PPFIA4: variants seen among roughly 807,000 people sequenced by gnomAD.
The protein encoded by PPFIA4 is PPFI scaffold protein A4, also known as liprin-alpha-4.
PPFIA4 carries 98 observed loss-of-function variants against 145.7 expected under a neutral mutation model. That is an observed-to-expected ratio of 0.67 (90% CI 0.57 to 0.80). The LOEUF (loss-of-function observed/expected upper bound fraction) is 0.80, where lower values mean the gene tolerates loss of function less well. Among genes scored for constraint, PPFIA4 ranks in the 30% least tolerant of loss-of-function variants. The pLI is 0.00. For missense variants in PPFIA4, 1,457 were observed against 1,632.7 expected (o/e 0.89, Z 1.85); for synonymous variants, 628 against 649.6 (o/e 0.97, Z 0.51).
In PPFIA4 at chr1:203,044,741, G is replaced by A; in HGVS notation, c.622G>A (p.Glu208Lys). 1 of 1,566,260 alleles carries A rather than the reference G, an allele frequency of 6.4e-7. No individual in the cohort carries two copies. Among genetic ancestry groups the A allele is most frequent in the Non-Finnish European group, 8.7e-7 (1 of 1,155,690 alleles). ...QGAGVRDGAA[E>K]EEGTVELGPK... ...GGCAGGGGTGCGGGATGGAGCGGCA[G>A]AAGAGGAGGGGACTGTGGAGCTGGG... The change falls in exon 6 of 30, where the codon GAA becomes AAA. Residue 208 changes from glutamate to lysine, a missense_variant. Physicochemically the swap from Glu to Lys is moderately conservative, Grantham distance 56. Transcript: ENST00000295706.
Position 203,061,003 on chromosome 1 carries a change from A to T in PPFIA4, c.2818A>T (p.Met940Leu). ...SGNVWVTHEE[M>L]ETLETSTKTD... Reference sequence around the variant, plus strand: ...GAATGTCTGGGTCACCCATGAAGAGATGGAAACTCTGGAAACATCTACTAA... The same window carrying T: ...GAATGTCTGGGTCACCCATGAAGAGTTGGAAACTCTGGAAACATCTACTAA... Residue 940 changes from methionine to leucine, a missense_variant, in exon 23 of 30, where the codon ATG becomes TTG. Met to Leu is a conservative substitution (Grantham distance 15, BLOSUM62 2). Transcript: ENST00000295706. The T allele has an allele frequency of 1.2e-6, 2 of 1,613,956 alleles. No homozygotes were observed. The highest frequency in any genetic ancestry group is 2.2e-5 in the South Asian group (2 of 91,082).
intron 24 of PPFIA4, among the ~76,000 whole-genome samples, chr1:203,062,361 TC>T (rs1387758880): frequency 1.3e-5 from 2 of 150,052 alleles, no homozygotes; most frequent in East Asian, 3.9e-4. Flanking sequence ...GCGCCTGTAG[TC>T]CCAGCTACTC....
intron 25 of PPFIA4, 110 bp downstream of exon 25, chr1:203,064,113 G>T: frequency 8.3e-7 from 1 of 1,203,504 alleles, no homozygotes; most frequent in Non-Finnish European, 1.1e-6. Flanking sequence ...GGTCTGTTCT[G>T]AGTGGCAACA....
At chr1:203,046,490 G>A in intron 9 of PPFIA4, 108 bp downstream of exon 9, 1 of 1,330,322 alleles carries the variant, frequency 7.5e-7, no homozygotes, top group Non-Finnish European at 1.0e-6. Context: ...CCAGGAGCCA[G>A]AAAACTGCTT....
Position 203,055,652 on chromosome 1 carries a change from C to T in PPFIA4, c.2050C>T (p.Arg684Ter), listed in dbSNP as rs1031039495. 1 of 1,613,778 alleles carries T rather than the reference C, an allele frequency of 6.2e-7. No homozygotes were observed. Among genetic ancestry groups the T allele is most frequent in the African/African-American group, 1.3e-5 (1 of 74,898 alleles). Residue 684 changes from arginine (R) to a stop codon, truncating the protein, a stop_gained, in exon 16 of 30, where the codon CGA becomes TGA. Transcript: ENST00000295706. LOFTEE classifies it high-confidence loss of function. This position sits in a 1 kb window ranked among gnomAD's most constrained non-coding sequence, Gnocchi z 4.8. ...TSRSAAQDLD[R>*]MGVMTLPSDL... The stretch of plus-strand genomic sequence containing the variant: ...CCGCAGTGCTGCCCAGGACCTGGAC[C>T]GAATGGGGGTCATGACCCTGGTGAG...
At chr1:203,065,066 A>G (rs1240347989) in intron 25 of PPFIA4, among the ~76,000 whole-genome samples, 1 of 152,236 alleles carries the variant, frequency 6.6e-6, no homozygotes, top group Non-Finnish European at 1.5e-5. Flanking sequence ...GAAATCTTAT[A>G]GAAAGTTAAA....
chr1:203,043,568 C>A lies in PPFIA4; in HGVS notation c.336+70C>A. 7.1e-7 allele frequency: 1 copy of A among 1,400,802 alleles called. No homozygotes were observed. The highest frequency in any genetic ancestry group is 9.9e-7 in the Non-Finnish European group (1 of 1,011,530). 86.8% of individuals were successfully genotyped at this position (1,400,802 alleles called of 1,614,324 possible). ...TGTGTGTATGGGGGTGTGTTGTGAA[C>A]ACCTTGACCAAGAGAGCAGGCAAGA... is the stretch of plus-strand genomic sequence containing the variant. On this transcript the variant is annotated intron_variant, in intron 3 of 29. Coordinates refer to ENST00000295706, the MANE Select transcript of PPFIA4 (RefSeq NM_001304331.2). This position sits in a 1 kb window ranked among gnomAD's most constrained non-coding sequence, Gnocchi z 4.4.
intron 1 of PPFIA4, chr1:203,035,375 C>T (rs866030789): frequency 1.4e-4 from 63 of 451,586 alleles, no homozygotes; most frequent in Middle Eastern, 1.3e-3. Flanking sequence ...GCAACAGACC[C>T]AAATGCCCAT....
Position 203,044,384 on chromosome 1 carries a change from A to T in PPFIA4, c.507A>T (p.Arg169=). ...EHHKALDEKV[R]ERLRAALERV... is the part of the protein sequence containing the mutation. Reference sequence around the variant, plus strand: ...TCTCCCCTTACCTCGAGCAGGTGCGAGAGCGGCTCCGGGCAGCGCTGGAGC... The same window carrying T: ...TCTCCCCTTACCTCGAGCAGGTGCGTGAGCGGCTCCGGGCAGCGCTGGAGC... Residue 169 remains arginine, a synonymous_variant, in exon 5 of 30, where the codon CGA becomes CGT. Transcript: ENST00000295706. 6.4e-7 allele frequency: 1 copy of T among 1,551,676 alleles called. No homozygotes were observed. The highest frequency in any genetic ancestry group is 8.7e-7 in the Non-Finnish European group (1 of 1,147,588).
intron 1 of PPFIA4, among the ~76,000 whole-genome samples, chr1:203,032,973 C>A (rs557093634): frequency 6.6e-6 from 1 of 152,200 alleles, no homozygotes; most frequent in African/African-American, 2.4e-5. Context: ...TGGGGAGCAG[C>A]TGGAGAGCTG....
intron 14 of PPFIA4, among the ~76,000 whole-genome samples, chr1:203,053,506 C>A (rs1660684501): frequency 6.7e-6 from 1 of 149,276 alleles, no homozygotes; most frequent in Non-Finnish European, 1.5e-5. Context: ...GCCCTCCAGC[C>A]TGGGTGACAG....
At chr1:203,040,909 G>A (rs1659654035) in intron 2 of PPFIA4, among the ~76,000 whole-genome samples, 1 of 152,230 alleles carries the variant, frequency 6.6e-6, no homozygotes, top group Admixed American at 6.5e-5. Flanking sequence ...GTCAGGGGTT[G>A]TGTCTTTCTT....
chr1:203,039,462 A>C (rs1044497301), intron 2 of PPFIA4, among the ~76,000 whole-genome samples: 1 of 152,160 alleles, frequency 6.6e-6, no homozygotes, highest in African/African-American at 2.4e-5. Flanking sequence ...GGGTAGAAAA[A>C]CGCAGCCATA....
chr1:203,073,873 G>C (rs2102699378), intron 28 of PPFIA4, among the ~76,000 whole-genome samples: 1 of 152,240 alleles, frequency 6.6e-6, no homozygotes, highest in South Asian at 2.1e-4. Flanking sequence ...GAGGACAGCA[G>C]TGACAAGGGA....
intron 14 of PPFIA4, among the ~76,000 whole-genome samples, 175 bp downstream of exon 14, chr1:203,052,052 C>CG (rs1035390828): frequency 7.1e-6 from 1 of 140,062 alleles, no homozygotes; most frequent in Admixed American, 6.9e-5. Context: ...TGTGCCCCCC[C>CG]CCCCGCTTGC....
intron 27 of PPFIA4, among the ~76,000 whole-genome samples, chr1:203,070,606 A>AG (rs1662086198): frequency 3.3e-5 from 5 of 149,256 alleles, no homozygotes; most frequent in South Asian, 4.2e-4. Flanking sequence ...AAAAAAAAAA[A>AG]GGTTAAAAAT....
chr1:203,027,312 A>G (rs964995247), intron 1 of PPFIA4, among the ~76,000 whole-genome samples: 3 of 152,212 alleles, frequency 2.0e-5, no homozygotes, highest in Non-Finnish European at 4.4e-5. Context: ...ACGTCCACGC[A>G]GTAGGGATGT....
At chr1:203,039,686 C>T (rs1659564370) in intron 2 of PPFIA4, among the ~76,000 whole-genome samples, 1 of 152,210 alleles carries the variant, frequency 6.6e-6, no homozygotes, top group African/African-American at 2.4e-5. Context: ...AGATGATAGG[C>T]AGGGCTGAAT....
Position 203,038,639 on chromosome 1 carries a change from C to T in PPFIA4, c.-370C>T, listed in dbSNP as rs1189660192. On this transcript the variant is annotated 5_prime_UTR_variant, in exon 2 of 30. Coordinates refer to ENST00000295706, the MANE Select transcript of PPFIA4 (RefSeq NM_001304331.2). ...ACTGCCCTCCAGAAACGATGGGTGTCGCTAGATCCAGCTGGGACTCTGCCA... is the reference window on the plus strand; with the variant it reads ...ACTGCCCTCCAGAAACGATGGGTGTTGCTAGATCCAGCTGGGACTCTGCCA... 2 of 168,526 alleles carry T rather than the reference C, an allele frequency of 1.2e-5. No individual in the cohort carries two copies. The highest frequency in any genetic ancestry group is 1.5e-4 in the South Asian group (1 of 6,576). The allele number at this position is 168,526 out of a possible 1,614,324, so 10.4% of individuals were successfully genotyped here.
Sources: gnomAD v4.1 joint callset for allele counts (sites outside exome capture counted in the v4.1 genomes callset) on GRCh38, gnomAD v4.1.1 for gene constraint, Gnocchi (gnomAD v3.1) non-coding constraint, MANE v1.5 for transcripts, NCBI Gene and HGNC (gene_info 2026-07-23, HGNC 2026-07-21) for gene names.